The following RIPK4 variants were observed in gnomAD, a reference collection of about 807,000 sequenced individuals.
RIPK4 encodes receptor-interacting serine/threonine-protein kinase 4.
A neutral mutation model predicts 42.9 loss-of-function variants in RIPK4; 17 were observed. The ratio of observed to expected loss-of-function variants is 0.40; its 90% confidence interval spans 0.27 to 0.59. RIPK4 has a LOEUF of 0.59. Among genes scored for constraint, RIPK4 ranks in the 20% least tolerant of loss-of-function variants. The pLI, the probability that RIPK4 is intolerant of heterozygous loss-of-function variation, is 0.47. For missense variants in RIPK4, 897 were observed against 1,104.4 expected (o/e 0.81, Z 2.66); for synonymous variants, 498 against 499.1 (o/e 1.00, Z 0.03).
rs2061146357 is a variant in RIPK4, at chr21:41,739,675, A to G, written c.*1163T>C. The G allele has an allele frequency of 6.6e-6, 1 of 152,250 alleles. No homozygotes were observed. Among genetic ancestry groups the G allele is most frequent in the African/African-American group, 2.4e-5 (1 of 41,476 alleles). 9.4% of individuals were successfully genotyped at this position (152,250 alleles called of 1,614,324 possible). ...GAAGGCACCCTATGGGACACAGGTG[A>G]CAGTGAAGTTACGAGGCTAGATGGC... On this transcript the variant is annotated 3_prime_UTR_variant, in exon 8 of 8. Transcript: ENST00000332512.
At chr21:41,766,647 C>A (rs554136642) in intron 1 of RIPK4, among the ~76,000 whole-genome samples, 7 of 152,218 alleles carry the variant, frequency 4.6e-5, no homozygotes, top group Middle Eastern at 3.4e-3. Flanking sequence ...CGCGATCGAG[C>A]CCGGGCTCGC....
intron 2 of RIPK4, among the ~76,000 whole-genome samples, chr21:41,754,173 G>A (rs1423681385): frequency 1.3e-5 from 2 of 152,124 alleles, no homozygotes; most frequent in Non-Finnish European, 2.9e-5. Context: ...GTCTACTGAG[G>A]ACTGCCCAGA....
At chr21:41,753,298 G>A (rs1258526782) in intron 2 of RIPK4, among the ~76,000 whole-genome samples, 2 of 152,078 alleles carry the variant, frequency 1.3e-5, no homozygotes, top group African/African-American at 4.8e-5. Flanking sequence ...AAAGAAAAAC[G>A]ACAGGGGTGC....
In RIPK4 at chr21:41,757,998, C is replaced by CAAAAA. The variant is rs530283443; in HGVS notation, c.183-1187_183-1183dup. The stretch of plus-strand genomic sequence containing the variant: ...TGGGCGACACAGAGAGACTCCATAA[C>CAAAAA]AAAAAAAAAAAAAAAAAAAAAAAAT... On this transcript the variant is annotated intron_variant, in intron 1 of 7. Transcript: ENST00000332512. 1.6e-3 allele frequency among the ~76,000 whole-genome samples: 21 copies of CAAAAA among 13,080 alleles called. 2 individuals are homozygous for CAAAAA. The highest frequency in any genetic ancestry group is 8.0e-3 in the East Asian group (3 of 376). The allele number at this position is 13,080 out of a possible 152,430, so 8.6% of individuals were successfully genotyped here.
At chr21:41,762,435 G>A (rs4481081) in intron 1 of RIPK4, among the ~76,000 whole-genome samples, 5 of 152,084 alleles carry the variant, frequency 3.3e-5, no homozygotes, top group Non-Finnish European at 7.4e-5. Flanking sequence ...AAACCCACAC[G>A]ACCCCGCCTT....
intron 2 of RIPK4, among the ~76,000 whole-genome samples, chr21:41,752,715 T>G (rs1356632286): frequency 6.6e-6 from 1 of 152,192 alleles, no homozygotes; most frequent in African/African-American, 2.4e-5. Context: ...ACAGGAAGTT[T>G]CAGTTCAACA....
chr21:41,746,428 C>A (rs534573709), intron 5 of RIPK4, among the ~76,000 whole-genome samples, 185 bp downstream of exon 5: 3 of 152,152 alleles, frequency 2.0e-5, no homozygotes, highest in African/African-American at 7.2e-5. Context: ...CTGCCGTGGC[C>A]GAGCCGTGAG....
chr21:41,766,683 G>A (rs1383054208), intron 1 of RIPK4, among the ~76,000 whole-genome samples, 177 bp downstream of exon 1: 1 of 152,112 alleles, frequency 6.6e-6, no homozygotes, highest in East Asian at 1.9e-4. Context: ...CCTCCGGCCC[G>A]GACAGGCCGA....
chr21:41,746,200 C>T (rs2061170598), intron 5 of RIPK4: 1 of 619,688 alleles, frequency 1.6e-6, no homozygotes, highest in African/African-American at 1.8e-5. Flanking sequence ...GCAGCAGTTT[C>T]CATCTCATCA....
At position 41,766,259 on chromosome 21, in the gene RIPK4, G is replaced by A. The variant is rs368305131; in HGVS notation, c.182+601C>T. The stretch of plus-strand genomic sequence containing the variant: ...CCGGAGCTCCACCGCGCAAGCGCCG[G>A]GCGCCCGGGAAGCCTCGCCCGAGCC... On this transcript the variant is annotated intron_variant, in intron 1 of 7. Transcript: ENST00000332512. Among the ~76,000 whole-genome samples the A allele has an allele frequency of 2.7e-3, 415 of 152,352 alleles. 3 individuals are homozygous for A. Among genetic ancestry groups the A allele is most frequent in the African/African-American group, 9.3e-3 (387 of 41,588 alleles).
chr21:41,742,663 T>C lies in RIPK4; in HGVS notation c.1196-666A>G, dbSNP rs377262370. 6.6e-6 allele frequency among the ~76,000 whole-genome samples: 1 copy of C among 152,152 alleles called. No homozygotes were observed. Among genetic ancestry groups the C allele is most frequent in the African/African-American group, 2.4e-5 (1 of 41,448 alleles). On this transcript the variant is annotated intron_variant, in intron 7 of 7. Transcript: ENST00000332512. This position sits in a 1 kb window ranked among gnomAD's most constrained non-coding sequence, Gnocchi z 5.1. ...GCAACGAGACTCTCCTCCGCCCTCA[T>C]GTGAAACGCGTGGGGACTTGGAAGT... is the stretch of plus-strand genomic sequence containing the variant.
chr21:41,764,597 C>G (rs919056294), intron 1 of RIPK4, among the ~76,000 whole-genome samples: 5 of 152,130 alleles, frequency 3.3e-5, no homozygotes, highest in South Asian at 2.1e-4. Flanking sequence ...GGAGGCAGCT[C>G]GTCAGAAAAG....
intron 6 of RIPK4, among the ~76,000 whole-genome samples, chr21:41,745,090 T>C (rs1187052121): frequency 6.6e-6 from 1 of 152,244 alleles, no homozygotes; most frequent in Middle Eastern, 3.4e-3. Flanking sequence ...GCCTCTGTAC[T>C]AGCAACCCCC....
intron 6 of RIPK4, 34 bp from the exon 7 acceptor site, chr21:41,744,174 C>T (rs756660198): frequency 2.0e-6 from 3 of 1,534,514 alleles, no homozygotes; most frequent in Admixed American, 2.0e-5. Context: ...TGGGTGAAGA[C>T]CCTGCCATAG....
intron 6 of RIPK4, among the ~76,000 whole-genome samples, chr21:41,744,775 T>TGGCCTGGGGGCTGTGTG (rs2146047403): frequency 6.6e-6 from 1 of 152,244 alleles, no homozygotes; most frequent in East Asian, 1.9e-4. Context: ...CACGTGGGGC[T>TGGCCTGGGGGCTGTGTG]GGCCTGGGGG....
At chr21:41,762,158 A>G (rs926743577) in intron 1 of RIPK4, among the ~76,000 whole-genome samples, 14 of 152,104 alleles carry the variant, frequency 9.2e-5, no homozygotes, top group African/African-American at 3.4e-4. Context: ...ATTTGAGGGC[A>G]CTTTCTCGAG....
intron 1 of RIPK4, among the ~76,000 whole-genome samples, chr21:41,766,024 A>G (rs2061235040): frequency 6.6e-6 from 1 of 152,248 alleles, no homozygotes; most frequent in Non-Finnish European, 1.5e-5. Context: ...CTAGGTAGGT[A>G]CAGGCAGGTT....
At position 41,751,223 on chromosome 21, in the gene RIPK4, T is replaced by A; in HGVS notation, c.497A>T (p.Lys166Met). 1 of 1,614,228 alleles carries A rather than the reference T, an allele frequency of 6.2e-7. No individual in the cohort carries two copies. The highest frequency in any genetic ancestry group is 8.5e-7 in the Non-Finnish European group (1 of 1,180,034). The stretch of plus-strand genomic sequence containing the variant: ...ATGCGAGTGGGACAGCCCGTTGCAC[T>A]TGGCCAGACCAAAATCAGAAATCTG... ...HVKISDFGLAKCNGLSHSHDL... is the reference protein window; with the variant it reads ...HVKISDFGLAMCNGLSHSHDL... Residue 166 changes from lysine to methionine, a missense_variant, in exon 3 of 8, where the codon AAG becomes ATG. Coordinates refer to ENST00000332512, the MANE Select transcript of RIPK4 (RefSeq NM_020639.3). The surrounding 1 kb of genome is among the most constrained non-coding windows in gnomAD (Gnocchi z 4.5).
chr21:41,742,250 G>A lies in RIPK4; in HGVS notation c.1196-253C>T, dbSNP rs13047429. Among the ~76,000 whole-genome samples the A allele has an allele frequency of 0.014, 2,202 of 152,350 alleles. 27 individuals are homozygous for A. The highest frequency in any genetic ancestry group is 0.022 in the Non-Finnish European group (1,467 of 68,040). ...TTGCAAAATAAAACCCGCTCTCCCT[G>A]TCCTGCGGGGTGGTGAGCCCCCTTG... is the stretch of plus-strand genomic sequence containing the variant. On this transcript the variant is annotated intron_variant, in intron 7 of 7. Transcript: ENST00000332512. The surrounding 1 kb of genome is among the most constrained non-coding windows in gnomAD (Gnocchi z 5.1).
Sources: allele counts gnomAD v4.1 joint callset (sites outside exome capture counted in the v4.1 genomes callset), GRCh38; gene constraint gnomAD v4.1.1; non-coding constraint Gnocchi (gnomAD v3.1); transcripts MANE v1.5; gene names NCBI Gene and HGNC (gene_info 2026-07-23, HGNC 2026-07-21).